Variants in THEMIS observed in about 807,000 individuals in gnomAD.
THEMIS encodes thymocyte selection associated.
Under a neutral mutation model 52.6 loss-of-function variants are expected in THEMIS, and 37 were observed. The observed-to-expected ratio is 0.70, with a 90% CI of 0.54 to 0.93. The LOEUF (loss-of-function observed/expected upper bound fraction) is 0.93. THEMIS is among the 40% of genes least tolerant of loss of function. The probability of loss-of-function intolerance (pLI) is 0.00; values close to 1 mark genes in which losing one functional copy is unlikely to be tolerated. For missense variants in THEMIS, 808 were observed against 763.1 expected, an observed-to-expected ratio of 1.06 and a Z score of -0.69; for synonymous variants, 292 against 272.7, an observed-to-expected ratio of 1.07 and a Z score of -0.70.
At chr6:127,873,246 C>A (rs758734066) in intron 1 of THEMIS, among the ~76,000 whole-genome samples, 1 of 152,114 alleles carries the variant, frequency 6.6e-6, no homozygotes, top group Non-Finnish European at 1.5e-5. Flanking sequence ...CAATGCAATT[C>A]TTATCAACAT....
At chr6:127,820,102 T>A (rs967066771) in intron 3 of THEMIS, among the ~76,000 whole-genome samples, 1 of 152,122 alleles carries the variant, frequency 6.6e-6, no homozygotes, top group Non-Finnish European at 1.5e-5. Context: ...CTATATTAGT[T>A]GTAAATATAT....
intron 1 of THEMIS, among the ~76,000 whole-genome samples, chr6:127,869,152 A>C (rs1211468353): frequency 2.0e-5 from 3 of 152,348 alleles, no homozygotes; most frequent in East Asian, 3.9e-4. Context: ...ATATTTATTA[A>C]GCTAGTCAAC....
intron 1 of THEMIS, among the ~76,000 whole-genome samples, chr6:127,866,316 A>G (rs11752561): frequency 0.086 from 13,031 of 152,080 alleles, 681 homozygotes; most frequent in Non-Finnish European, 0.12. Flanking sequence ...TATAGTGTCT[A>G]TAGTTTTATT....
the THEMIS span, among the ~76,000 whole-genome samples, chr6:127,698,152 T>C: frequency 3.9e-5 from 6 of 152,164 alleles, no homozygotes; most frequent in African/African-American, 1.4e-4. Context: ...TGGTTGTTAT[T>C]GATAACTTGA....
At chr6:127,730,288 AAAG>A (rs1339809272) in intron 4 of THEMIS, among the ~76,000 whole-genome samples, 1 of 140,460 alleles carries the variant, frequency 7.1e-6, no homozygotes, top group Non-Finnish European at 1.5e-5. Context: ...AAAGAAAAGA[AAAG>A]AAAAGAAAAG....
intron 3 of THEMIS, among the ~76,000 whole-genome samples, chr6:127,815,172 AAT>A (rs1778083694): frequency 6.6e-6 from 1 of 152,120 alleles, no homozygotes; most frequent in South Asian, 2.1e-4. Context: ...AATAAAAAAA[AAT>A]AATAAAGTTA....
In THEMIS at chr6:127,813,495, G is replaced by A. The variant is rs1180503642; in HGVS notation, c.1146C>T (p.Ser382=). The stretch of plus-strand genomic sequence containing the variant: ...CCAGAAACTGGTCCCCAACAGATAC[G>A]GATGACAGCTTGTCATGAGGGGAAT... ...AFHSPHDKLS[S]VSVGDQFLVH... is the part of the protein sequence containing the mutation. Residue 382 remains serine, a synonymous_variant, in exon 4 of 6, where the codon TCC becomes TCT. Transcript: ENST00000368248. 6.2e-7 allele frequency: 1 copy of A among 1,613,860 alleles called. No homozygotes were observed. Among genetic ancestry groups the A allele is most frequent in the Admixed American group, 1.7e-5 (1 of 59,970 alleles).
At chr6:127,716,481 G>T (rs1774165196) in intron 5 of THEMIS, among the ~76,000 whole-genome samples, 1 of 151,818 alleles carries the variant, frequency 6.6e-6, no homozygotes, top group Non-Finnish European at 1.5e-5. Flanking sequence ...TGATGCAGGG[G>T]GTATAAAGGT....
At chr6:127,742,659 A>G (rs1203836963) in intron 4 of THEMIS, among the ~76,000 whole-genome samples, 1 of 152,178 alleles carries the variant, frequency 6.6e-6, no homozygotes, top group East Asian at 1.9e-4. Flanking sequence ...AGTGAAATAC[A>G]CCAGACACAA....
chr6:127,750,087 T>C (rs1282114168), intron 4 of THEMIS, among the ~76,000 whole-genome samples: 2 of 150,178 alleles, frequency 1.3e-5, no homozygotes, highest in African/African-American at 2.4e-5. Flanking sequence ...ATAATCATTG[T>C]TATTACAGAG....
At chr6:127,721,810 G>A (rs1469959787) in intron 4 of THEMIS, among the ~76,000 whole-genome samples, 4 of 151,942 alleles carry the variant, frequency 2.6e-5, no homozygotes, top group Non-Finnish European at 5.9e-5. Context: ...TATGACATGA[G>A]TATTAAATCA....
intron 4 of THEMIS, among the ~76,000 whole-genome samples, chr6:127,727,780 C>T (rs1389054094): frequency 2.6e-5 from 4 of 152,002 alleles, no homozygotes; most frequent in Non-Finnish European, 4.4e-5. Context: ...AAAATGCATG[C>T]TCTGTTGTGA....
rs575263228 is a variant in THEMIS, at chr6:127,877,590, C to T, written c.92-22402G>A. 1.7e-3 allele frequency among the ~76,000 whole-genome samples: 253 copies of T among 152,148 alleles called. 2 individuals carry two copies. Among genetic ancestry groups the T allele is most frequent in the Middle Eastern group, 6.8e-3 (2 of 294 alleles). On this transcript the variant is annotated intron_variant, in intron 1 of 5. Transcript: ENST00000368248. ...AAGAGATGGGGAAGAAATGGCTGGT[C>T]GAGGGAGCAGTTGGACACACAACAT...
intron 4 of THEMIS, among the ~76,000 whole-genome samples, chr6:127,733,739 TC>T (rs1233601015): frequency 1.3e-5 from 2 of 151,992 alleles, no homozygotes; most frequent in African/African-American, 2.4e-5. Flanking sequence ...AACTGTCAAT[TC>T]TCAGGAAAAT....
At chr6:127,901,193 G>T, upstream of THEMIS, 1 of 526,266 alleles carries the variant, frequency 1.9e-6, no homozygotes, top group East Asian at 3.2e-5. Flanking sequence ...AGTTGAACAG[G>T]ATGGGGGTGG....
At chr6:127,766,566 C>T (rs1257291145) in intron 4 of THEMIS, among the ~76,000 whole-genome samples, 2 of 152,084 alleles carry the variant, frequency 1.3e-5, no homozygotes, top group Non-Finnish European at 2.9e-5. Flanking sequence ...GCAAGCACCA[C>T]AGAGTACACT....
intron 4 of THEMIS, among the ~76,000 whole-genome samples, chr6:127,757,005 A>G (rs1775848505): frequency 6.6e-6 from 1 of 152,248 alleles, no homozygotes; most frequent in South Asian, 2.1e-4. Context: ...AAGTAAAAAA[A>G]CAATTCTTTT....
At chr6:127,821,174 G>A (rs1414673346) in intron 3 of THEMIS, among the ~76,000 whole-genome samples, 2 of 109,092 alleles carry the variant, frequency 1.8e-5, no homozygotes, top group Middle Eastern at 4.9e-3. Context: ...CTGTGTGTGT[G>A]AGAGAGAGAG....
At position 127,848,391 on chromosome 6, in the gene THEMIS, G is replaced by A. The variant is rs1052965963; in HGVS notation, c.250+6639C>T. 4.6e-5 allele frequency among the ~76,000 whole-genome samples: 7 copies of A among 151,988 alleles called. No homozygotes were observed. In the East Asian group the frequency reaches 5.8e-4, roughly 13 times the overall value. On this transcript the variant is annotated intron_variant, in intron 2 of 5. Transcript: ENST00000368248. ...ATAGTGCTGCAATAAACATACGTGT[G>A]CATATGTCTTTATAGCAGCATGATT... is the stretch of plus-strand genomic sequence containing the variant.
Sources: gnomAD v4.1 joint callset for allele counts (sites outside exome capture counted in the v4.1 genomes callset) on GRCh38, gnomAD v4.1.1 for gene constraint, MANE v1.5 for transcripts, NCBI Gene and HGNC (gene_info 2026-07-23, HGNC 2026-07-21) for gene names.